PPIB: variants seen among roughly 807,000 people sequenced by gnomAD.
The protein encoded by PPIB is peptidylprolyl isomerase B.
In PPIB, 15 loss-of-function variants were observed where a neutral mutation model predicts 20.1. The ratio of observed to expected loss-of-function variants is 0.75; its 90% CI spans 0.50 to 1.15. The LOEUF (loss-of-function observed/expected upper bound fraction) is 1.15. PPIB is among the 50% of genes most tolerant of loss of function. The pLI, the probability that PPIB is intolerant of heterozygous loss-of-function variation, is 0.00. For synonymous variants in PPIB, 129 were observed against 111.0 expected, an observed-to-expected ratio of 1.16 and a Z score of -1.02; for missense variants, 278 against 283.0, an observed-to-expected ratio of 0.98 and a Z score of 0.13.
At position 64,156,617 on chromosome 15, in the gene PPIB, G is replaced by T; in HGVS notation, c.528+108C>A. The T allele has an allele frequency of 7.5e-7, 1 of 1,338,438 alleles. No individual in the cohort carries two copies. The highest frequency in any genetic ancestry group is 1.1e-6 in the Non-Finnish European group (1 of 929,708). The allele number at this position is 1,338,438 out of a possible 1,614,324, so 82.9% of individuals were successfully genotyped here. Reference sequence around the variant, plus strand: ...CAGGAGCACTGGGCTGCATCTGTGGGTTGGGTCCTTTTGGGAAAGGGATGG... The same window carrying T: ...CAGGAGCACTGGGCTGCATCTGTGGTTTGGGTCCTTTTGGGAAAGGGATGG... On this transcript the variant is annotated intron_variant, in intron 4 of 4. Transcript: ENST00000300026. This position sits in a 1 kb window ranked among gnomAD's most constrained non-coding sequence, Gnocchi z 6.4.
At chr15:64,162,387 A>C (rs957684196) in intron 1 of PPIB, among the ~76,000 whole-genome samples, 5 of 152,222 alleles carry the variant, frequency 3.3e-5, no homozygotes, top group Non-Finnish European at 5.9e-5. Flanking sequence ...ACAGGATAAC[A>C]ATATTTGCTC....
In PPIB at chr15:64,160,212, G is replaced by A. The variant is rs768762088; in HGVS notation, c.250-15C>T. On this transcript the variant is annotated splice_polypyrimidine_tract_variant and intron_variant, in intron 2 of 4. Coordinates refer to ENST00000300026, the MANE Select transcript of PPIB (RefSeq NM_000942.5). The surrounding 1 kb of genome is among the most constrained non-coding windows in gnomAD (Gnocchi z 4.8). ...CCAAATCCTTTCTAGAAAAAGGGAA[G>A]AGAAGGTAAGGAGGTGGTATGGGGC... 4.1e-5 allele frequency: 65 copies of A among 1,594,212 alleles called. No individual in the cohort carries two copies. The highest frequency in any genetic ancestry group is 5.2e-5 in the Non-Finnish European group (60 of 1,161,972).
chr15:64,161,105 C>T lies in PPIB; in HGVS notation c.250-908G>A, dbSNP rs1567346948. On this transcript the variant is annotated intron_variant, in intron 2 of 4. Transcript: ENST00000300026. This position sits in a 1 kb window ranked among gnomAD's most constrained non-coding sequence, Gnocchi z 4.2. The stretch of plus-strand genomic sequence containing the variant: ...CCTCCCAAGTAGCTGGAATTACAGG[C>T]GCCTACCACTACACCTGGCTAATTT... 6.6e-6 allele frequency among the ~76,000 whole-genome samples: 1 copy of T among 151,926 alleles called. No individual in the cohort carries two copies. The highest frequency in any genetic ancestry group is 2.4e-5 in the African/African-American group (1 of 41,344).
Position 64,160,544 on chromosome 15 carries a change from A to G in PPIB, c.250-347T>C, listed in dbSNP as rs1249729960. Among the ~76,000 whole-genome samples, 4 of 152,202 alleles carry G rather than the reference A, an allele frequency of 2.6e-5. No individual in the cohort carries two copies. Among genetic ancestry groups the G allele is most frequent in the Non-Finnish European group, 5.9e-5 (4 of 68,022 alleles). On this transcript the variant is annotated intron_variant, in intron 2 of 4. Coordinates refer to ENST00000300026, the MANE Select transcript of PPIB (RefSeq NM_000942.5). The surrounding 1 kb of genome is among the most constrained non-coding windows in gnomAD (Gnocchi z 4.8). ...TCAATGGAAAGTTAATATAAACTGA[A>G]ATAGGGCACTGTTGTTTCCTTAAAA...
chr15:64,158,446 C>A lies in PPIB; in HGVS notation c.344-1537G>T, dbSNP rs572445731. On this transcript the variant is annotated intron_variant, in intron 3 of 4. Coordinates refer to ENST00000300026, the MANE Select transcript of PPIB (RefSeq NM_000942.5). The surrounding 1 kb of genome is among the most constrained non-coding windows in gnomAD (Gnocchi z 4.7). ...AGTTCAGACCAAGGTGGTCTGCTCT[C>A]GAATCTCTGCTCTCAGCCACCTCAG... 1.3e-5 allele frequency among the ~76,000 whole-genome samples: 2 copies of A among 152,208 alleles called. No homozygotes were observed. The highest frequency in any genetic ancestry group is 2.9e-5 in the Non-Finnish European group (2 of 68,034).
chr15:64,162,099 A>G lies in PPIB; in HGVS notation c.191T>C (p.Leu64Pro). 6.2e-7 allele frequency: 1 copy of G among 1,614,232 alleles called. No homozygotes were observed. Among genetic ancestry groups the G allele is most frequent in the Non-Finnish European group, 8.5e-7 (1 of 1,180,028 alleles). The change falls in exon 2 of 5, where the codon CTC becomes CCC. Residue 64 changes from leucine to proline, a missense_variant. Transcript: ENST00000300026. ...TGTTTTTGGAACAGTCTTTCCGAAG[A>G]GACCAAAGATCACCCGGCCTACATC... ...DEDVGRVIFG[L>P]FGKTVPKTVD...
rs375998912 is a variant in PPIB, at chr15:64,162,996, G to C, written c.-10C>G. 9.9e-6 allele frequency: 16 copies of C among 1,612,146 alleles called. No individual in the cohort carries two copies. Among genetic ancestry groups the C allele is most frequent in the Non-Finnish European group, 1.4e-5 (16 of 1,179,502 alleles). ...CGGAGAGGCGCAGCATCCACAGGCG[G>C]AGGCGAAAGCAGCCCGGACAGCTGA... On this transcript the variant is annotated 5_prime_UTR_variant, in exon 1 of 5. Coordinates refer to ENST00000300026, the MANE Select transcript of PPIB (RefSeq NM_000942.5).
chr15:64,159,690 C>T lies in PPIB; in HGVS notation c.343+414G>A. Reference sequence around the variant, plus strand: ...GTGCTGGGATCACAGAGTCACCACGCCTGGCCCTCTCACTCTTGCTGGGGC... The same window carrying T: ...GTGCTGGGATCACAGAGTCACCACGTCTGGCCCTCTCACTCTTGCTGGGGC... On this transcript the variant is annotated intron_variant, in intron 3 of 4. Coordinates refer to ENST00000300026, the MANE Select transcript of PPIB (RefSeq NM_000942.5). The surrounding 1 kb of genome is among the most constrained non-coding windows in gnomAD (Gnocchi z 5.1). 1 of 303,526 alleles carries T rather than the reference C, an allele frequency of 3.3e-6. No homozygotes were observed. The allele number at this position is 303,526 out of a possible 1,614,324, so 18.8% of individuals were successfully genotyped here.
In PPIB at chr15:64,156,576, CA is replaced by C. The variant is rs552880137; in HGVS notation, c.528+148del. On this transcript the variant is annotated intron_variant, in intron 4 of 4. Transcript: ENST00000300026. This position sits in a 1 kb window ranked among gnomAD's most constrained non-coding sequence, Gnocchi z 6.4. ...TTAGAACCTTGGAGGCATGGAGGTACAGGGTTTATTCTGGACAGGAGCACTG... is the reference window on the plus strand; with the variant it reads ...TTAGAACCTTGGAGGCATGGAGGTACGGGTTTATTCTGGACAGGAGCACTG... The C allele has an allele frequency of 1.0e-6, 1 of 992,606 alleles. No individual in the cohort carries two copies. The highest frequency in any genetic ancestry group is 1.6e-6 in the Non-Finnish European group (1 of 623,500). 61.5% of individuals were successfully genotyped at this position (992,606 alleles called of 1,614,324 possible).
rs2081565341 is a variant in PPIB, at chr15:64,161,868, C to A, written c.249+173G>T. Reference sequence around the variant, plus strand: ...TTAAGTGTGAGCCACTGTGCCTGGTCAGGGCCCCATTACTCTTAAGAAAGG... The same window carrying A: ...TTAAGTGTGAGCCACTGTGCCTGGTAAGGGCCCCATTACTCTTAAGAAAGG... On this transcript the variant is annotated intron_variant, in intron 2 of 4. Transcript: ENST00000300026. This position sits in a 1 kb window ranked among gnomAD's most constrained non-coding sequence, Gnocchi z 4.2. 6.6e-6 allele frequency among the ~76,000 whole-genome samples: 1 copy of A among 152,174 alleles called. No individual in the cohort carries two copies. Among genetic ancestry groups the A allele is most frequent in the Non-Finnish European group, 1.5e-5 (1 of 68,040 alleles).
In PPIB at chr15:64,158,201, C is replaced by T. The variant is rs183450369; in HGVS notation, c.344-1292G>A. Among the ~76,000 whole-genome samples, 5 of 152,264 alleles carry T rather than the reference C, an allele frequency of 3.3e-5. No homozygotes were observed. Among genetic ancestry groups the T allele is most frequent in the East Asian group, 1.9e-4 (1 of 5,184 alleles). ...TCCTCTGCACGTGGCTCAGGTTGTC[C>T]CTACCCACTCCCCATGTACTTACTC... On this transcript the variant is annotated intron_variant, in intron 3 of 4. Transcript: ENST00000300026. The surrounding 1 kb of genome is among the most constrained non-coding windows in gnomAD (Gnocchi z 4.7).
At chr15:64,162,008 T>G (rs551448623) in intron 2 of PPIB, 33 bp downstream of exon 2, 1 of 1,506,284 alleles carries the variant, frequency 6.6e-7, no homozygotes, top group African/African-American at 1.4e-5. Flanking sequence ...TTTCACTTCA[T>G]GTGAGTTGAC....
chr15:64,160,122 TGGTGAAGTC>T lies in PPIB; in HGVS notation c.316_324del (p.Asp106_Thr108del). 1 of 1,613,822 alleles carries T rather than the reference TGGTGAAGTC, an allele frequency of 6.2e-7. No individual in the cohort carries two copies. Among genetic ancestry groups the T allele is most frequent in the Non-Finnish European group, 8.5e-7 (1 of 1,179,658 alleles). ...TGGTTACCTCCTGTGCCATCTCCCCTGGTGAAGTCTCCGCCCTGGATCATGAAGTCCTTG... is the reference window on the plus strand; with the variant it reads ...TGGTTACCTCCTGTGCCATCTCCCCTTCCGCCCTGGATCATGAAGTCCTTG... On this transcript the variant is annotated inframe_deletion, in exon 3 of 5. Coordinates refer to ENST00000300026, the MANE Select transcript of PPIB (RefSeq NM_000942.5). This position sits in a 1 kb window ranked among gnomAD's most constrained non-coding sequence, Gnocchi z 4.8.
In PPIB at chr15:64,156,691, T is replaced by C. The variant is rs760723951; in HGVS notation, c.528+34A>G. The stretch of plus-strand genomic sequence containing the variant: ...GTCTGTGTTGAATCCCCGGTGAGGA[T>C]TGCCCAGTAGTAGCCCTTGCTTCCA... On this transcript the variant is annotated intron_variant, in intron 4 of 4. Transcript: ENST00000300026. The surrounding 1 kb of genome is among the most constrained non-coding windows in gnomAD (Gnocchi z 6.4). 9 of 1,612,736 alleles carry C rather than the reference T, an allele frequency of 5.6e-6. No homozygotes were observed. Among genetic ancestry groups the C allele is most frequent in the East Asian group, 2.2e-5 (1 of 44,884 alleles).
At position 64,156,107 on chromosome 15, in the gene PPIB, G is replaced by A. The variant is rs1392376207; in HGVS notation, c.567C>T (p.Ser189=). 1 of 1,614,200 alleles carries A rather than the reference G, an allele frequency of 6.2e-7. No homozygotes were observed. Residue 189 remains serine, a synonymous_variant, in exon 5 of 5, where the codon AGC becomes AGT. Transcript: ENST00000300026. This position sits in a 1 kb window ranked among gnomAD's most constrained non-coding sequence, Gnocchi z 6.4. ...TCACATCCTTCAGGGGTTTATCCCG[G>A]CTGTCTGTCTTGGTGCTCTCCACCT... ...VRKVESTKTD[S]RDKPLKDVII... is the part of the protein sequence containing the mutation.
rs2081559553 is a variant in PPIB, at chr15:64,160,652, T to C, written c.250-455A>G. On this transcript the variant is annotated intron_variant, in intron 2 of 4. Coordinates refer to ENST00000300026, the MANE Select transcript of PPIB (RefSeq NM_000942.5). The surrounding 1 kb of genome is among the most constrained non-coding windows in gnomAD (Gnocchi z 4.8). ...TTTTATCTCATTTTTTAAATTTTAT[T>C]ATTATTTTTTTGAGACAGAGTTTCT... Among the ~76,000 whole-genome samples the C allele has an allele frequency of 6.6e-6, 1 of 152,190 alleles. No individual in the cohort carries two copies. Among genetic ancestry groups the C allele is most frequent in the South Asian group, 2.1e-4 (1 of 4,830 alleles).
In PPIB at chr15:64,159,801, C is replaced by G. The variant is rs979999731; in HGVS notation, c.343+303G>C. 2 of 501,382 alleles carry G rather than the reference C, an allele frequency of 4.0e-6. No homozygotes were observed. The highest frequency in any genetic ancestry group is 7.3e-6 in the Non-Finnish European group (2 of 274,640). 31.1% of individuals were successfully genotyped at this position (501,382 alleles called of 1,614,324 possible). A position where few individuals can be genotyped will look rare whatever the true frequency, so the allele number is the denominator to read the frequency against. Reference sequence around the variant, plus strand: ...TCACTTTGCTTCCACACGCCTCTCTCCCCAATCCCCATTCTGAAGAGGTAT... The same window carrying G: ...TCACTTTGCTTCCACACGCCTCTCTGCCCAATCCCCATTCTGAAGAGGTAT... On this transcript the variant is annotated intron_variant, in intron 3 of 4. Transcript: ENST00000300026. This position sits in a 1 kb window ranked among gnomAD's most constrained non-coding sequence, Gnocchi z 5.1.
In PPIB at chr15:64,155,862, G is replaced by A; in HGVS notation, c.*161C>T. On this transcript the variant is annotated 3_prime_UTR_variant, in exon 5 of 5. Transcript: ENST00000300026. Reference sequence around the variant, plus strand: ...ACATTTTTTTTTATTGGTCAGTGTTGGTAGGAGTTTGTTACAAAAGTGAGT... The same window carrying A: ...ACATTTTTTTTTATTGGTCAGTGTTAGTAGGAGTTTGTTACAAAAGTGAGT... 9.6e-7 allele frequency: 1 copy of A among 1,044,452 alleles called. No individual in the cohort carries two copies. Among genetic ancestry groups the A allele is most frequent in the Non-Finnish European group, 1.5e-6 (1 of 686,862 alleles). 64.7% of individuals were successfully genotyped at this position (1,044,452 alleles called of 1,614,324 possible).
rs1195004182 is a variant in PPIB, at chr15:64,155,867, G to GAGTT, written c.*152_*155dup. 14 of 1,093,518 alleles carry GAGTT rather than the reference G, an allele frequency of 1.3e-5. No individual in the cohort carries two copies. The highest frequency in any genetic ancestry group is 1.5e-5 in the Non-Finnish European group (11 of 727,590). The allele number at this position is 1,093,518 out of a possible 1,614,324, so 67.7% of individuals were successfully genotyped here. On this transcript the variant is annotated 3_prime_UTR_variant, in exon 5 of 5. Transcript: ENST00000300026. ...TTTTTTTATTGGTCAGTGTTGGTAG[G>GAGTT]AGTTTGTTACAAAAGTGAGTCCATG... is the stretch of plus-strand genomic sequence containing the variant.
Sources: gnomAD v4.1 joint callset for allele counts (sites outside exome capture counted in the v4.1 genomes callset) on GRCh38, gnomAD v4.1.1 for gene constraint, Gnocchi (gnomAD v3.1) non-coding constraint, MANE v1.5 for transcripts, NCBI Gene and HGNC (gene_info 2026-07-23, HGNC 2026-07-21) for gene names.